The following OR9I1 variants were observed in gnomAD, a reference collection of about 807,000 sequenced individuals.
The protein encoded by OR9I1 is olfactory receptor family 9 subfamily I member 1, also known as olfactory receptor 9I1.
OR9I1 carries 7 observed loss-of-function variants against 11.2 expected under a neutral mutation model. That is an observed-to-expected ratio of 0.62 (90% CI 0.36 to 1.17). The LOEUF (loss-of-function observed/expected upper bound fraction) is 1.17. Ranked by LOEUF, OR9I1 falls within the 50% of genes most tolerant of loss-of-function variation. The pLI, the probability that OR9I1 is intolerant of heterozygous loss-of-function variation, is 0.02. For missense variants in OR9I1, 428 were observed against 377.2 expected (o/e 1.13, Z -1.12); for synonymous variants, 165 against 153.4 (o/e 1.08, Z -0.56).
chr11:58,119,090 C>T lies in OR9I1; in HGVS notation c.355G>A (p.Ala119Thr), dbSNP rs774030898. ...GTECFLLAVM[A>T]YDRYAAIRNP... ...CGAATGGCAGCATAGCGATCATAGG[C>T]CATCACTGCCAGCAGAAAGCACTCT... is the stretch of plus-strand genomic sequence containing the variant. Residue 119 changes from alanine (A) to threonine (T), a missense_variant, in exon 3 of 3, where the codon GCC becomes ACC. Ala to Thr is a moderately conservative substitution (Grantham distance 58, BLOSUM62 0). Transcript: ENST00000641439. The T allele has an allele frequency of 6.8e-6, 11 of 1,613,784 alleles. No homozygotes were observed. The Admixed American group carries it at 1.5e-4, about 22-fold the overall frequency.
Position 58,116,976 on chromosome 11 carries a change from G to A in OR9I1, c.*1524C>T, listed in dbSNP as rs544629733. ...ACTCCACCTTTCCAGGTAAGTACTC[G>A]TTTGTTTTATTCCTTGGTGCAAAGG... On this transcript the variant is annotated 3_prime_UTR_variant, in exon 3 of 3. Transcript: ENST00000641439. 3.9e-5 allele frequency: 6 copies of A among 152,094 alleles called. No homozygotes were observed. The highest frequency in any genetic ancestry group is 2.1e-4 in the South Asian group (1 of 4,826). 9.4% of individuals were successfully genotyped at this position (152,094 alleles called of 1,614,324 possible). A position where few individuals can be genotyped will look rare whatever the true frequency, so the allele number is the denominator to read the frequency against.
chr11:58,122,064 C>T (rs998235414), intron 2 of OR9I1, among the ~76,000 whole-genome samples: 3 of 152,188 alleles, frequency 2.0e-5, no homozygotes, highest in African/African-American at 4.8e-5. Flanking sequence ...TCCACTGGGA[C>T]CTGCCAGGAA....
chr11:58,118,741 G>A lies in OR9I1; in HGVS notation c.704C>T (p.Ala235Val). The A allele has an allele frequency of 6.2e-7, 1 of 1,614,070 alleles. No homozygotes were observed. Among genetic ancestry groups the A allele is most frequent in the Non-Finnish European group, 8.5e-7 (1 of 1,179,964 alleles). The change falls in exon 3 of 3, where the codon GCC becomes GTC. Residue 235 changes from alanine to valine, a missense_variant. Coordinates refer to ENST00000641439, the MANE Select transcript of OR9I1 (RefSeq NM_001005211.2). ...ILKVKSSGGR[A>V]KTFSTCASHI... The stretch of plus-strand genomic sequence containing the variant: ...AGAGGCACATGTGGAGAAAGTCTTG[G>A]CCCTGCCACCTGAAGACTTCACTTT...
chr11:58,120,393 G>A (rs1420562905), intron 2 of OR9I1, among the ~76,000 whole-genome samples: 1 of 151,810 alleles, frequency 6.6e-6, no homozygotes, highest in Non-Finnish European at 1.5e-5. Context: ...TTATGTCATA[G>A]GGGTCTTTTA....
chr11:58,119,563 T>A, intron 2 of OR9I1, 97 bp from the exon 3 acceptor site: 1 of 671,970 alleles, frequency 1.5e-6, no homozygotes, highest in Non-Finnish European at 2.5e-6. Context: ...GGTCTATTTG[T>A]AGAGTTTGTT....
intron 2 of OR9I1, among the ~76,000 whole-genome samples, chr11:58,123,344 C>T (rs931985572): frequency 6.6e-6 from 1 of 152,182 alleles, no homozygotes; most frequent in Non-Finnish European, 1.5e-5. Flanking sequence ...AATTTCAACA[C>T]CTTTCTCAGT....
At chr11:58,120,484 G>A (rs2120135937) in intron 2 of OR9I1, among the ~76,000 whole-genome samples, 1 of 151,628 alleles carries the variant, frequency 6.6e-6, no homozygotes, top group Admixed American at 6.6e-5. Flanking sequence ...AGGTTTTTGG[G>A]GAACAGTTGA....
At chr11:58,124,034 T>A (rs564074981) in intron 2 of OR9I1, among the ~76,000 whole-genome samples, 1 of 152,352 alleles carries the variant, frequency 6.6e-6, no homozygotes, top group South Asian at 2.1e-4. Flanking sequence ...AATGGATGTT[T>A]ATCTAATATG....
Position 58,117,384 on chromosome 11 carries a change from A to G in OR9I1, c.*1116T>C, listed in dbSNP as rs1438877060. ...GTATACTCCGAGTACTCTTTGACTC[A>G]TGAGGAAGTACTTCCTTAATTGCAA... On this transcript the variant is annotated 3_prime_UTR_variant, in exon 3 of 3. Coordinates refer to ENST00000641439, the MANE Select transcript of OR9I1 (RefSeq NM_001005211.2). 2 of 151,470 alleles carry G rather than the reference A, an allele frequency of 1.3e-5. No individual in the cohort carries two copies. Among genetic ancestry groups the G allele is most frequent in the Non-Finnish European group, 2.9e-5 (2 of 68,028 alleles). 9.4% of individuals were successfully genotyped at this position (151,470 alleles called of 1,614,324 possible). A position where few individuals can be genotyped will look rare whatever the true frequency, so the allele number is the denominator to read the frequency against.
At position 58,118,796 on chromosome 11, in the gene OR9I1, A is replaced by G; in HGVS notation, c.649T>C (p.Ser217Pro). The G allele has an allele frequency of 2.5e-6, 4 of 1,614,112 alleles. No individual in the cohort carries two copies. The highest frequency in any genetic ancestry group is 3.4e-6 in the Non-Finnish European group (4 of 1,180,008). Residue 217 changes from serine (S) to proline (P), a missense_variant, in exon 3 of 3, where the codon TCC becomes CCC. Ser to Pro is a moderately conservative substitution (Grantham distance 74). Transcript: ENST00000641439. ...ATGGTCTTGATGATGAGCAGATAGG[A>G]AATCAGGATGACGGAGGCATTGGCC... ...ILANASVILI[S>P]YLLIIKTILK...
At position 58,117,483 on chromosome 11, in the gene OR9I1, C is replaced by A. The variant is rs562838622; in HGVS notation, c.*1017G>T. On this transcript the variant is annotated 3_prime_UTR_variant, in exon 3 of 3. Transcript: ENST00000641439. ...GCCAGAAGGCTCAAATAGGAACAAG[C>A]ATGTACCATACAAATTCTTTCAAAA... 10 of 152,292 alleles carry A rather than the reference C, an allele frequency of 6.6e-5. No individual in the cohort carries two copies. In the East Asian group the frequency reaches 1.7e-3, roughly 26 times the overall value. 9.4% of individuals were successfully genotyped at this position (152,292 alleles called of 1,614,324 possible).
rs893712886 is a variant in OR9I1 at position 58,124,645 on chromosome 11, C to G, written c.-224-6G>C. ...AGGCTTTTATTTCCTTTCAACTTGA[C>G]AATAACATAATGAGAGAGAAATATT... On this transcript the variant is annotated splice_region_variant and splice_polypyrimidine_tract_variant and intron_variant, in intron 1 of 2. Coordinates refer to ENST00000641439, the MANE Select transcript of OR9I1 (RefSeq NM_001005211.2). 6.6e-6 allele frequency: 1 copy of G among 152,074 alleles called. No individual in the cohort carries two copies. The highest frequency in any genetic ancestry group is 1.5e-5 in the Non-Finnish European group (1 of 68,006). The allele number at this position is 152,074 out of a possible 1,614,324, so 9.4% of individuals were successfully genotyped here.
Position 58,118,557 on chromosome 11 carries a change from A to C in OR9I1, c.888T>G (p.Asp296Glu), listed in dbSNP as rs779733614. The C allele has an allele frequency of 1.2e-6, 2 of 1,613,692 alleles. No individual in the cohort carries two copies. Among genetic ancestry groups the C allele is most frequent in the Non-Finnish European group, 8.5e-7 (1 of 1,179,860 alleles). The change falls in exon 3 of 3, where the codon GAT (aspartate) becomes GAG (glutamate). Residue 296 changes from aspartate (D) to glutamate (E), a missense_variant. Coordinates refer to ENST00000641439, the MANE Select transcript of OR9I1 (RefSeq NM_001005211.2). Reference protein sequence around the residue: ...NPLIYSLRNKDVKDAFRKVAR... With the variant: ...NPLIYSLRNKEVKDAFRKVAR... Reference sequence around the variant, plus strand: ...CGACCTTTCTGAAGGCGTCTTTTACATCTTTGTTTCTTAAGCTGTAGATCA... The same window carrying C: ...CGACCTTTCTGAAGGCGTCTTTTACCTCTTTGTTTCTTAAGCTGTAGATCA...
Position 58,119,357 on chromosome 11 carries a change from C to G in OR9I1, c.88G>C (p.Val30Leu). 6.2e-7 allele frequency: 1 copy of G among 1,613,828 alleles called. No homozygotes were observed. ...GTGACTAGGTAGAAACTCAGAAACA[C>G]CAGAAAGAGGGGAATCTCCAATTTG... ...HPKLEIPLFL[V>L]FLSFYLVTLL... Residue 30 changes from valine (V) to leucine (L), a missense_variant, in exon 3 of 3, where the codon GTG becomes CTG. Coordinates refer to ENST00000641439, the MANE Select transcript of OR9I1 (RefSeq NM_001005211.2).
At chr11:58,121,857 G>A (rs1389409011) in intron 2 of OR9I1, among the ~76,000 whole-genome samples, 1 of 152,020 alleles carries the variant, frequency 6.6e-6, no homozygotes, top group Non-Finnish European at 1.5e-5. Flanking sequence ...ATCCATAAAT[G>A]TCTGTGATTG....
rs770850137 is a variant in OR9I1, at chr11:58,119,254, C to T, written c.191G>A (p.Ser64Asn). 1 of 1,613,940 alleles carries T rather than the reference C, an allele frequency of 6.2e-7. No homozygotes were observed. The highest frequency in any genetic ancestry group is 8.5e-7 in the Non-Finnish European group (1 of 1,179,924). ...ACAGGCATCCAGCAGGGAGAGGTGG[C>T]TCAGGAAGAAGTACATTGGGGTGTA... ...KLYTPMYFFLSHLSLLDACYT... is the reference protein window; with the variant it reads ...KLYTPMYFFLNHLSLLDACYT... Residue 64 changes from serine (S) to asparagine (N), a missense_variant, in exon 3 of 3, where the codon AGC (serine) becomes AAC (asparagine). Coordinates refer to ENST00000641439, the MANE Select transcript of OR9I1 (RefSeq NM_001005211.2).
At position 58,118,448 on chromosome 11, in the gene OR9I1, A is replaced by G. The variant is rs939311459; in HGVS notation, c.*52T>C. On this transcript the variant is annotated 3_prime_UTR_variant, in exon 3 of 3. Transcript: ENST00000641439. ...ATATAGTAATGGTGCCTATTAGGATATATTCATATGGGAAGAAAGTGGACT... is the reference window on the plus strand; with the variant it reads ...ATATAGTAATGGTGCCTATTAGGATGTATTCATATGGGAAGAAAGTGGACT... 2 of 1,191,670 alleles carry G rather than the reference A, an allele frequency of 1.7e-6. No homozygotes were observed. The highest frequency in any genetic ancestry group is 1.5e-5 in the African/African-American group (1 of 65,746). 73.8% of individuals were successfully genotyped at this position (1,191,670 alleles called of 1,614,324 possible).
rs1206018460 is a variant in OR9I1, at chr11:58,118,638, C to T, written c.807G>A (p.Glu269=). 11 of 1,613,804 alleles carry T rather than the reference C, an allele frequency of 6.8e-6. No individual in the cohort carries two copies. The highest frequency in any genetic ancestry group is 9.3e-6 in the Non-Finnish European group (11 of 1,179,942). Reference sequence around the variant, plus strand: ...AGAAGACAGACACGACTTTGTCTTCCTCCAGAGATTTGCCTGAGCCACTTT... The same window carrying T: ...AGAAGACAGACACGACTTTGTCTTCTTCCAGAGATTTGCCTGAGCCACTTT... The part of the protein sequence containing the change: ...YLQSGSGKSL[E]EDKVVSVFYT... Residue 269 remains glutamate, a synonymous_variant, in exon 3 of 3, where the codon GAG becomes GAA. Transcript: ENST00000641439.
At chr11:58,122,179 C>T (rs1286582008) in intron 2 of OR9I1, among the ~76,000 whole-genome samples, 1 of 152,194 alleles carries the variant, frequency 6.6e-6, no homozygotes, top group African/African-American at 2.4e-5. Context: ...CATGAAAGGG[C>T]TCATGGTAGC....
Sources: gnomAD v4.1 joint callset for allele counts (sites outside exome capture counted in the v4.1 genomes callset) on GRCh38, gnomAD v4.1.1 for gene constraint, MANE v1.5 for transcripts, NCBI Gene and HGNC (gene_info 2026-07-23, HGNC 2026-07-21) for gene names.